Variants in PYGO1 observed in about 807,000 individuals in gnomAD.
PYGO1 encodes the protein pygopus homolog 1.
Under a neutral mutation model 29.5 loss-of-function variants are expected in PYGO1, and 6 were observed. The ratio of observed to expected loss-of-function variants is 0.20; its 90% CI spans 0.11 to 0.40. The LOEUF (loss-of-function observed/expected upper bound fraction) is 0.40. PYGO1 is among the 10% of genes least tolerant of loss of function. PYGO1 has a pLI of 1.00. For missense variants in PYGO1, 515 were observed against 514.9 expected (o/e 1.00, Z 0.00); for synonymous variants, 186 against 180.5 (o/e 1.03, Z -0.24).
chr15:55,546,882 T>C lies in PYGO1; in HGVS notation c.401A>G (p.Asn134Ser), dbSNP rs1299414748. ...LRNQPHPFPQNPLGMGFNRPH... is the reference protein window; with the variant it reads ...LRNQPHPFPQSPLGMGFNRPH... ...TCGATTAAAACCCATGCCCAGAGGATTCTGAGGAAATGGGTGTGGCTGGTT... is the reference window on the plus strand; with the variant it reads ...TCGATTAAAACCCATGCCCAGAGGACTCTGAGGAAATGGGTGTGGCTGGTT... Residue 134 changes from asparagine (N) to serine (S), a missense_variant, in exon 3 of 3, where the codon AAT becomes AGT. Physicochemically the swap from Asn to Ser is conservative, Grantham distance 46. Coordinates refer to ENST00000563719, the MANE Select transcript of PYGO1 (RefSeq NM_001367806.1). 1 of 1,614,030 alleles carries C rather than the reference T, an allele frequency of 6.2e-7. No individual in the cohort carries two copies. The highest frequency in any genetic ancestry group is 1.1e-5 in the South Asian group (1 of 91,072).
chr15:55,582,287 A>G (rs2059028461), intron 1 of PYGO1, among the ~76,000 whole-genome samples: 1 of 152,068 alleles, frequency 6.6e-6, no homozygotes, highest in South Asian at 2.1e-4. Context: ...GGATGGATAA[A>G]GATGGCCATG....
intron 1 of PYGO1, among the ~76,000 whole-genome samples, chr15:55,560,296 C>G (rs1206319508): frequency 6.6e-6 from 1 of 152,104 alleles, no homozygotes; most frequent in Admixed American, 6.5e-5. Context: ...CGTCTCAGCT[C>G]AAAAGCTTCT....
intron 1 of PYGO1, among the ~76,000 whole-genome samples, chr15:55,570,220 T>C (rs2058974740): frequency 1.3e-5 from 2 of 152,304 alleles, no homozygotes; most frequent in Admixed American, 1.3e-4. Context: ...CACAATTCCA[T>C]TGGATACTCA....
chr15:55,579,592 T>G (rs1189366628), intron 1 of PYGO1, among the ~76,000 whole-genome samples: 1 of 152,172 alleles, frequency 6.6e-6, no homozygotes, highest in Admixed American at 6.6e-5. Flanking sequence ...CACAACTCAC[T>G]GCAACCTTGA....
intron 1 of PYGO1, among the ~76,000 whole-genome samples, chr15:55,575,780 T>C (rs1212691295): frequency 6.6e-6 from 1 of 152,166 alleles, no homozygotes; most frequent in Admixed American, 6.6e-5. Flanking sequence ...ACCAGGTGTC[T>C]GGGTCCCAGG....
chr15:55,582,713 CAGG>C (rs1290775043), intron 1 of PYGO1, among the ~76,000 whole-genome samples: 1 of 152,172 alleles, frequency 6.6e-6, no homozygotes, highest in Admixed American at 6.6e-5. Context: ...TGGAATATCC[CAGG>C]AGGATACTCA....
intron 1 of PYGO1, among the ~76,000 whole-genome samples, chr15:55,551,048 A>C (rs993156706): frequency 2.6e-5 from 4 of 152,162 alleles, no homozygotes; most frequent in African/African-American, 9.7e-5. Flanking sequence ...TGAGAATCTA[A>C]TGCTGCTGCT....
At chr15:55,581,391 A>G (rs1377182632) in intron 1 of PYGO1, among the ~76,000 whole-genome samples, 3 of 152,218 alleles carry the variant, frequency 2.0e-5, no homozygotes, top group Non-Finnish European at 2.9e-5. Flanking sequence ...TGAAGAATAG[A>G]GGACTAAGTG....
At chr15:55,549,399 G>A (rs961182825) in intron 1 of PYGO1, among the ~76,000 whole-genome samples, 3 of 152,144 alleles carry the variant, frequency 2.0e-5, no homozygotes, top group Non-Finnish European at 4.4e-5. Context: ...TACACACAGT[G>A]TACCTTGCTT....
intron 1 of PYGO1, among the ~76,000 whole-genome samples, chr15:55,563,917 C>A (rs2058944059): frequency 6.6e-6 from 1 of 152,096 alleles, no homozygotes; most frequent in South Asian, 2.1e-4. Context: ...CAAGCATTGG[C>A]AAAGATATGG....
At position 55,547,047 on chromosome 15, in the gene PYGO1, A is replaced by G; in HGVS notation, c.236T>C (p.Ile79Thr). 1 of 1,613,718 alleles carries G rather than the reference A, an allele frequency of 6.2e-7. No individual in the cohort carries two copies. Among genetic ancestry groups the G allele is most frequent in the Non-Finnish European group, 8.5e-7 (1 of 1,179,686 alleles). The change falls in exon 3 of 3, where the codon ATT becomes ACT. Residue 79 changes from isoleucine (I) to threonine (T), a missense_variant. By Grantham distance (89) the Ile-to-Thr change is moderately conservative. Coordinates refer to ENST00000563719, the MANE Select transcript of PYGO1 (RefSeq NM_001367806.1). ...TGACGAAGGTAGTGGTTTATAGGAAATAGTATTATAGTTGTCATCAAATGG... is the reference window on the plus strand; with the variant it reads ...TGACGAAGGTAGTGGTTTATAGGAAGTAGTATTATAGTTGTCATCAAATGG... ...ANPFDDNYNT[I>T]SYKPLPSSNP...
At position 55,588,105 on chromosome 15, in the gene PYGO1, C is replaced by G; in HGVS notation, c.-222G>C. On this transcript the variant is annotated 5_prime_UTR_variant, in exon 1 of 3. Coordinates refer to ENST00000563719, the MANE Select transcript of PYGO1 (RefSeq NM_001367806.1). ...CGGCGGGGCGGCGTGCGGGCACCGG[C>G]GGGGCTCAGCGGCGGTGGCCGGGAG... is the stretch of plus-strand genomic sequence containing the variant. 1 of 919,126 alleles carries G rather than the reference C, an allele frequency of 1.1e-6. No individual in the cohort carries two copies. The highest frequency in any genetic ancestry group is 1.8e-5 in the African/African-American group (1 of 55,434). The allele number at this position is 919,126 out of a possible 1,614,324, so 56.9% of individuals were successfully genotyped here.
At chr15:55,556,271 A>G (rs930108784) in intron 1 of PYGO1, among the ~76,000 whole-genome samples, 1 of 152,216 alleles carries the variant, frequency 6.6e-6, no homozygotes, top group African/African-American at 2.4e-5. Flanking sequence ...ACTCCTTAGC[A>G]AATGCAAAAG....
chr15:55,552,416 G>T lies in PYGO1; in HGVS notation c.50-3421C>A, dbSNP rs79522238. ...GGAGCTGTGGTCCATGGCTCTCAGG[G>T]AGAAGAATGAAAATGGTGTGTGAAT... On this transcript the variant is annotated intron_variant, in intron 1 of 2. Coordinates refer to ENST00000563719, the MANE Select transcript of PYGO1 (RefSeq NM_001367806.1). Among the ~76,000 whole-genome samples the T allele has an allele frequency of 8.6e-3, 1,299 of 150,880 alleles. 9 individuals are homozygous for T. Among genetic ancestry groups the T allele is most frequent in the Non-Finnish European group, 0.011 (726 of 67,860 alleles).
At chr15:55,567,656 A>C (rs1043019070) in intron 1 of PYGO1, among the ~76,000 whole-genome samples, 1 of 152,056 alleles carries the variant, frequency 6.6e-6, no homozygotes, top group African/African-American at 2.4e-5. Flanking sequence ...ATTGCTTTCA[A>C]GACTTAGTCA....
chr15:55,551,257 T>C (rs1423342347), intron 1 of PYGO1, among the ~76,000 whole-genome samples: 1 of 152,218 alleles, frequency 6.6e-6, no homozygotes, highest in Non-Finnish European at 1.5e-5. Flanking sequence ...TAAGTGATGG[T>C]CTGTTCTTCC....
chr15:55,547,298 T>C (rs2058856913), intron 2 of PYGO1, 151 bp from the exon 3 acceptor site: 2 of 525,450 alleles, frequency 3.8e-6, no homozygotes, highest in Non-Finnish European at 6.2e-6. Context: ...CCTTTCAATT[T>C]TGACTAATGT....
intron 1 of PYGO1, among the ~76,000 whole-genome samples, chr15:55,551,677 C>A (rs894631900): frequency 5.3e-5 from 8 of 151,854 alleles, no homozygotes; most frequent in Admixed American, 5.2e-4. Flanking sequence ...TATGGTGGCA[C>A]ATGCCTGTGG....
At chr15:55,556,250 G>A (rs537292427) in intron 1 of PYGO1, among the ~76,000 whole-genome samples, 5 of 152,124 alleles carry the variant, frequency 3.3e-5, no homozygotes, top group South Asian at 4.2e-4. Flanking sequence ...GATCACAATC[G>A]GAAGTAAAAC....
Sources: gnomAD v4.1 joint callset for allele counts (sites outside exome capture counted in the v4.1 genomes callset) on GRCh38, gnomAD v4.1.1 for gene constraint, MANE v1.5 for transcripts, NCBI Gene and HGNC (gene_info 2026-07-23, HGNC 2026-07-21) for gene names.